The following WFDC8 variants were observed in gnomAD, a reference collection of about 807,000 sequenced individuals.
The protein encoded by WFDC8 is WAP four-disulfide core domain 8, also known as WAP four-disulfide core domain protein 8.
A neutral mutation model predicts 27.0 loss-of-function variants in WFDC8; 24 were observed. The observed-to-expected ratio is 0.89, with a 90% CI of 0.64 to 1.25. WFDC8 has a LOEUF of 1.25. WFDC8 is among the 50% of genes most tolerant of loss of function. The pLI is 0.00. For synonymous variants in WFDC8, 106 were observed against 99.7 expected (o/e 1.06, Z -0.38); for missense variants, 287 against 295.9 (o/e 0.97, Z 0.22).
At chr20:45,564,045 C>A (rs1295200884) in intron 1 of WFDC8, among the ~76,000 whole-genome samples, 2 of 152,214 alleles carry the variant, frequency 1.3e-5, no homozygotes, top group African/African-American at 4.8e-5. Context: ...TGGTCATCCT[C>A]TATTTTTATT....
At chr20:45,555,953 T>C in intron 3 of WFDC8, 85 bp from the exon 4 acceptor site, 1 of 1,390,104 alleles carries the variant, frequency 7.2e-7, no homozygotes, top group Admixed American at 2.0e-5. Context: ...TCATAACTCC[T>C]GGTGTTATCA....
At chr20:45,559,088 C>A in intron 2 of WFDC8, 96 bp from the exon 3 acceptor site, 2 of 1,475,256 alleles carry the variant, frequency 1.4e-6, no homozygotes, top group Non-Finnish European at 1.9e-6. Flanking sequence ...TCAGCCCTAT[C>A]CTCTACCTTC....
intron 1 of WFDC8, among the ~76,000 whole-genome samples, chr20:45,575,883 T>G (rs147155016): frequency 2.6e-5 from 4 of 151,308 alleles, no homozygotes; most frequent in Admixed American, 1.3e-4. Flanking sequence ...TAGCATAGCA[T>G]GTTCTGTTGC....
At chr20:45,568,767 T>C (rs1342327769) in intron 1 of WFDC8, 3 of 467,082 alleles carry the variant, frequency 6.4e-6, no homozygotes, top group African/African-American at 3.9e-5. Flanking sequence ...AATGTGACAC[T>C]CTCGATAATT....
In WFDC8 at chr20:45,553,076, A is replaced by C. The variant is rs1017052430; in HGVS notation, c.586+60T>G. Reference sequence around the variant, plus strand: ...TCAAGACACCCCCCACTCCATGGAGACAGCATGACATCCTTGGCACATGCC... The same window carrying C: ...TCAAGACACCCCCCACTCCATGGAGCCAGCATGACATCCTTGGCACATGCC... On this transcript the variant is annotated intron_variant, in intron 5 of 5. Transcript: ENST00000289953. 29 of 1,557,178 alleles carry C rather than the reference A, an allele frequency of 1.9e-5. No homozygotes were observed. The African/African-American group carries it at 3.3e-4, about 17-fold the overall frequency.
chr20:45,553,850 T>A (rs1980138883), intron 4 of WFDC8, among the ~76,000 whole-genome samples: 1 of 152,192 alleles, frequency 6.6e-6, no homozygotes, highest in Admixed American at 6.5e-5. Context: ...ACTAAAATTA[T>A]TTCCTAACTA....
intron 1 of WFDC8, among the ~76,000 whole-genome samples, chr20:45,578,661 G>GTC (rs1981128633): frequency 6.6e-6 from 1 of 152,178 alleles, no homozygotes; most frequent in Admixed American, 6.5e-5. Flanking sequence ...TTCTAAAATT[G>GTC]CAAGGTAATG....
intron 1 of WFDC8, among the ~76,000 whole-genome samples, chr20:45,571,744 G>C (rs1176155179): frequency 3.3e-5 from 5 of 152,122 alleles, no homozygotes; most frequent in African/African-American, 4.8e-5. Context: ...GTCTTTCTCT[G>C]CCTGGCTTGT....
chr20:45,568,499 T>C (rs759515566), intron 1 of WFDC8: 11 of 337,560 alleles, frequency 3.3e-5, no homozygotes, highest in Non-Finnish European at 5.5e-5. Flanking sequence ...TGAAATTGTA[T>C]TCTTGATAGA....
intron 4 of WFDC8, among the ~76,000 whole-genome samples, chr20:45,555,353 C>T (rs1440444223): frequency 6.6e-6 from 1 of 152,174 alleles, no homozygotes; most frequent in Non-Finnish European, 1.5e-5. Flanking sequence ...TAAGCAAATC[C>T]TCAGTATGAT....
At chr20:45,566,050 A>G (rs1362882502) in intron 1 of WFDC8, among the ~76,000 whole-genome samples, 1 of 152,222 alleles carries the variant, frequency 6.6e-6, no homozygotes, top group Non-Finnish European at 1.5e-5. Flanking sequence ...TCCAGCACTT[A>G]CAGAGCATTT....
At chr20:45,557,963 G>A (rs541470255) in intron 3 of WFDC8, among the ~76,000 whole-genome samples, 85 of 152,218 alleles carry the variant, frequency 5.6e-4, no homozygotes, top group Admixed American at 2.0e-3. Context: ...ATCAACCAAC[G>A]TCACTCTGAG....
At chr20:45,552,611 TGAACCTTA>T (rs1328949693) in intron 5 of WFDC8, among the ~76,000 whole-genome samples, 2 of 152,164 alleles carry the variant, frequency 1.3e-5, no homozygotes, top group Admixed American at 1.3e-4. Flanking sequence ...CACACTATAC[TGAACCTTA>T]GAACCTTAAA....
intron 3 of WFDC8, among the ~76,000 whole-genome samples, chr20:45,556,741 A>T (rs138038327): frequency 9.8e-4 from 149 of 152,324 alleles, no homozygotes; most frequent in African/African-American, 3.3e-3. Context: ...AAATTAAAAA[A>T]ATATATATTG....
intron 1 of WFDC8, among the ~76,000 whole-genome samples, chr20:45,574,090 A>G (rs946948457): frequency 2.6e-5 from 4 of 152,202 alleles, no homozygotes; most frequent in African/African-American, 9.6e-5. Context: ...GAAGTTATAC[A>G]CTAACAAGTG....
intron 1 of WFDC8, among the ~76,000 whole-genome samples, chr20:45,575,204 C>A (rs1452128988): frequency 6.6e-6 from 1 of 152,028 alleles, no homozygotes; most frequent in Admixed American, 6.6e-5. Flanking sequence ...AAAATTCATC[C>A]AAATAGGAAA....
chr20:45,567,660 C>A (rs1010277069), intron 1 of WFDC8, among the ~76,000 whole-genome samples: 5 of 152,116 alleles, frequency 3.3e-5, no homozygotes, highest in Admixed American at 6.5e-5. Context: ...ACTTCTAAAG[C>A]CACTCTCCAC....
rs772349827 is a variant in WFDC8 at position 45,552,188 on chromosome 20, C to T, written c.587-23G>A. 3 of 1,609,214 alleles carry T rather than the reference C, an allele frequency of 1.9e-6. No homozygotes were observed. In the Admixed American group the frequency reaches 5.1e-5, roughly 27 times the overall value. On this transcript the variant is annotated intron_variant, in intron 5 of 5. Coordinates refer to ENST00000289953, the MANE Select transcript of WFDC8 (RefSeq NM_130896.3). ...TGACTTTATGGGGTAAAAGAAAACA[C>T]TTGACCTTGAAATACTTGGTCATAA...
chr20:45,560,375 T>G (rs1463271438), intron 2 of WFDC8, among the ~76,000 whole-genome samples: 2 of 152,186 alleles, frequency 1.3e-5, no homozygotes, highest in African/African-American at 2.4e-5. Flanking sequence ...CATTTCAATC[T>G]TGGCCTGGTA....
Sources: gnomAD v4.1 joint callset for allele counts (sites outside exome capture counted in the v4.1 genomes callset) on GRCh38, gnomAD v4.1.1 for gene constraint, MANE v1.5 for transcripts, NCBI Gene and HGNC (gene_info 2026-07-23, HGNC 2026-07-21) for gene names.